SEMA6A: variants seen among roughly 807,000 people sequenced by gnomAD.
SEMA6A encodes semaphorin-6A.
SEMA6A carries 25 observed loss-of-function variants against 96.8 expected under a neutral mutation model. That is an observed-to-expected ratio of 0.26 (90% CI 0.19 to 0.36). The LOEUF (loss-of-function observed/expected upper bound fraction) is 0.36. SEMA6A is among the 10% of genes least tolerant of loss of function. The pLI is 1.00. For missense variants in SEMA6A, 1,363 were observed against 1,323.1 expected, an observed-to-expected ratio of 1.03 and a Z score of -0.47; for synonymous variants, 612 against 518.0, an observed-to-expected ratio of 1.18 and a Z score of -2.46.
intron 2 of SEMA6A, chr5:116,502,584 T>TTGTGTGTG: frequency 2.4e-6 from 1 of 408,808 alleles, no homozygotes; most frequent in Non-Finnish European, 4.4e-6. Context: ...AATTTTTGAT[T>TTGTGTGTG]TGTCTCTCTT....
At chr5:116,496,527 A>T (rs1757611371) in intron 4 of SEMA6A, among the ~76,000 whole-genome samples, 1 of 152,210 alleles carries the variant, frequency 6.6e-6, no homozygotes, top group South Asian at 2.1e-4. Context: ...TAAACCACAA[A>T]ATGGTCTTCT....
intron 6 of SEMA6A, chr5:116,492,301 T>TA (rs34404636): frequency 4.9e-3 from 618 of 125,342 alleles, no homozygotes; most frequent in African/African-American, 6.9e-3. Flanking sequence ...GTAACTAACC[T>TA]AAAAAAAAAA....
intron 1 of SEMA6A, among the ~76,000 whole-genome samples, chr5:116,566,288 C>T (rs1761026981): frequency 1.3e-5 from 2 of 152,116 alleles, no homozygotes; most frequent in Non-Finnish European, 2.9e-5. Context: ...TTTTAATTGG[C>T]ATGGATTCTT....
chr5:116,465,085 G>T (rs770984782), intron 18 of SEMA6A, among the ~76,000 whole-genome samples: 10 of 152,154 alleles, frequency 6.6e-5, no homozygotes, highest in Non-Finnish European at 1.3e-4. Context: ...AAGAGCACCC[G>T]TCACAGGCCC....
rs1047795605 is a variant in SEMA6A at position 116,460,131 on chromosome 5, A to T, written c.1894+7452T>A. 9.8e-5 allele frequency among the ~76,000 whole-genome samples: 15 copies of T among 152,336 alleles called. No individual in the cohort carries two copies. In the South Asian group the frequency reaches 3.1e-3, roughly 32 times the overall value. Reference sequence around the variant, plus strand: ...GGAAAAAGGAATACATATGGTTAACATAACAGCTGTTAAAATTTTGAGGTT... The same window carrying T: ...GGAAAAAGGAATACATATGGTTAACTTAACAGCTGTTAAAATTTTGAGGTT... On this transcript the variant is annotated intron_variant, in intron 18 of 18. Transcript: ENST00000343348.
intron 16 of SEMA6A, among the ~76,000 whole-genome samples, chr5:116,475,071 T>A (rs756597341): frequency 6.6e-6 from 1 of 152,172 alleles, no homozygotes; most frequent in African/African-American, 2.4e-5. Context: ...TCCTATTACA[T>A]ATGGTAATAG....
At position 116,574,348 on chromosome 5, in the gene SEMA6A, G is replaced by C. The variant is rs1322176055; in HGVS notation, c.-202C>G. 6.6e-6 allele frequency: 1 copy of C among 152,322 alleles called. No homozygotes were observed. Among genetic ancestry groups the C allele is most frequent in the East Asian group, 1.9e-4 (1 of 5,168 alleles). The allele number at this position is 152,322 out of a possible 1,614,324, so 9.4% of individuals were successfully genotyped here. ...CTACATGTGTGCTTGTCTCTTTGGG[G>C]GAAATAGTCGCGGCGACTACTTTCT... On this transcript the variant is annotated 5_prime_UTR_variant, in exon 1 of 19. Transcript: ENST00000343348.
intron 1 of SEMA6A, among the ~76,000 whole-genome samples, chr5:116,508,893 C>T (rs977461977): frequency 6.6e-6 from 1 of 152,202 alleles, no homozygotes; most frequent in Non-Finnish European, 1.5e-5. Flanking sequence ...AGGTACAGGA[C>T]ATCAACGTTG....
rs1430471058 is a variant in SEMA6A at position 116,502,254 on chromosome 5, G to T, written c.174C>A (p.Ile58=). The T allele has an allele frequency of 1.2e-6, 2 of 1,613,946 alleles. No homozygotes were observed. Among genetic ancestry groups the T allele is most frequent in the Admixed American group, 1.7e-5 (1 of 60,024 alleles). The change falls in exon 3 of 19, where the codon ATC becomes ATA. Residue 58 remains isoleucine, a synonymous_variant. Transcript: ENST00000343348. ...RNTTQRHRLD[I]QMIMIMNGTL... is the part of the protein sequence containing the mutation. ...TTCCGTTCATGATCATAATCATCTG[G>T]ATGTCCAGCCTGTGCCTCTGTGTGG...
In SEMA6A at chr5:116,482,636, ACATAC is replaced by A. The variant is rs559189137; in HGVS notation, c.963-66_963-62del. The stretch of plus-strand genomic sequence containing the variant: ...GCAATGGTTATGCATGTGGTTTGGA[ACATAC>A]TCCAGAGAAACTTTCCTGGTACAGC... On this transcript the variant is annotated intron_variant, in intron 10 of 18. Coordinates refer to ENST00000343348, the MANE Select transcript of SEMA6A (RefSeq NM_020796.5). The A allele has an allele frequency of 3.5e-5, 55 of 1,575,682 alleles. No homozygotes were observed. The South Asian group carries it at 6.2e-4, about 18-fold the overall frequency.
chr5:116,487,750 G>C (rs1757131550), intron 9 of SEMA6A, among the ~76,000 whole-genome samples: 1 of 152,142 alleles, frequency 6.6e-6, no homozygotes, highest in East Asian at 1.9e-4. Flanking sequence ...TGTAATCCCA[G>C]CTACTCGGGA....
chr5:116,532,512 A>G lies in SEMA6A; in HGVS notation c.-38-27530T>C, dbSNP rs6889966. Among the ~76,000 whole-genome samples the G allele has an allele frequency of 3.6e-3, 549 of 152,282 alleles. 8 individuals carry two copies. The highest frequency in any genetic ancestry group is 0.013 in the African/African-American group (520 of 41,538). On this transcript the variant is annotated intron_variant, in intron 1 of 18. Transcript: ENST00000343348. ...GAATTTATGGGGAGGGAGAGAGGGT[A>G]GCCTGTAACCTGCCTGTTCTTTTTC... is the stretch of plus-strand genomic sequence containing the variant.
intron 1 of SEMA6A, among the ~76,000 whole-genome samples, chr5:116,511,881 G>GT (rs1168823616): frequency 6.6e-6 from 1 of 152,194 alleles, no homozygotes; most frequent in Non-Finnish European, 1.5e-5. Flanking sequence ...TTTGCAAAGG[G>GT]TAAGAAAGAA....
At chr5:116,457,182 G>A (rs957043533) in intron 18 of SEMA6A, among the ~76,000 whole-genome samples, 6 of 152,114 alleles carry the variant, frequency 3.9e-5, no homozygotes, top group East Asian at 1.9e-4. Flanking sequence ...CATGGAGTGC[G>A]AGACCCATCA....
intron 2 of SEMA6A, among the ~76,000 whole-genome samples, chr5:116,504,366 C>G (rs1222357722): frequency 6.6e-6 from 1 of 152,126 alleles, no homozygotes; most frequent in African/African-American, 2.4e-5. Context: ...AATGGGTCCT[C>G]TATAAATTAA....
chr5:116,502,425 T>TCACAAAA, intron 2 of SEMA6A, 98 bp from the exon 3 acceptor site: 1 of 934,458 alleles, frequency 1.1e-6, no homozygotes, highest in Non-Finnish European at 1.7e-6. Context: ...AAGAAACCCG[T>TCACAAAA]GTTTAAGTCA....
chr5:116,469,462 C>G (rs1384894103), intron 17 of SEMA6A: 1 of 151,790 alleles, frequency 6.6e-6, no homozygotes, highest in African/African-American at 2.4e-5. Flanking sequence ...TTTTCCACTC[C>G]TGAATTCAAG....
intron 3 of SEMA6A, among the ~76,000 whole-genome samples, chr5:116,500,965 C>T (rs555012866): frequency 3.9e-5 from 6 of 152,202 alleles, no homozygotes; most frequent in South Asian, 2.1e-4. Flanking sequence ...GAGCTGAGAT[C>T]GCGCCACTGC....
chr5:116,528,122 T>C (rs1464486354), intron 1 of SEMA6A, among the ~76,000 whole-genome samples: 1 of 152,238 alleles, frequency 6.6e-6, no homozygotes, highest in Non-Finnish European at 1.5e-5. Context: ...CCAACAAATG[T>C]GCAGTCTTTT....
Sources: allele counts gnomAD v4.1 joint callset (sites outside exome capture counted in the v4.1 genomes callset), GRCh38; gene constraint gnomAD v4.1.1; transcripts MANE v1.5; gene names NCBI Gene and HGNC (gene_info 2026-07-23, HGNC 2026-07-21).